Variants in DOCK9 observed in about 807,000 individuals in gnomAD.
DOCK9 encodes dedicator of cytokinesis protein 9.
Under a neutral mutation model 263.3 loss-of-function variants are expected in DOCK9, and 89 were observed. The ratio of observed to expected loss-of-function variants is 0.34; its 90% CI spans 0.28 to 0.40. The LOEUF (loss-of-function observed/expected upper bound fraction) is 0.40. DOCK9 is among the 10% of genes least tolerant of loss of function. The probability of loss-of-function intolerance (pLI) is 1.00; values close to 1 mark genes in which losing one functional copy is unlikely to be tolerated. For synonymous variants in DOCK9, 976 were observed against 973.1 expected (o/e 1.00, Z -0.06); for missense variants, 2,140 against 2,603.4 (o/e 0.82, Z 3.87).
intron 4 of DOCK9, among the ~76,000 whole-genome samples, chr13:98,925,058 G>A (rs1367522978): frequency 1.3e-5 from 2 of 152,086 alleles, no homozygotes; most frequent in Non-Finnish European, 2.9e-5. Flanking sequence ...CAGCAACTCG[G>A]GAGGCTGAGG....
intron 25 of DOCK9, 36 bp downstream of exon 25, chr13:98,881,522 C>G: frequency 1.3e-6 from 2 of 1,539,170 alleles, no homozygotes; most frequent in Non-Finnish European, 1.8e-6. Context: ...TGGAGAGCCA[C>G]AGATGTAAGT....
rs769579881 is a variant in DOCK9, at chr13:98,881,554, A to C, written c.2745+4T>G. The stretch of plus-strand genomic sequence containing the variant: ...AAGTGATCAGAACAGTGTGTTTTAC[A>C]TACCTTAACATATGACCTCAAGTGG... On this transcript the variant is annotated splice_donor_region_variant and intron_variant, in intron 25 of 52. Transcript: ENST00000682017. The C allele has an allele frequency of 5.6e-6, 9 of 1,598,756 alleles. No individual in the cohort carries two copies. Among genetic ancestry groups the C allele is most frequent in the Middle Eastern group, 3.3e-4 (2 of 6,068 alleles).
At chr13:98,952,003 T>TTC (rs2057487652) in intron 2 of DOCK9, among the ~76,000 whole-genome samples, 1 of 149,912 alleles carries the variant, frequency 6.7e-6, no homozygotes, top group African/African-American at 2.5e-5. Context: ...GTTCAAGCGA[T>TTC]TCTCTTGCCT....
intron 1 of DOCK9, among the ~76,000 whole-genome samples, chr13:99,008,204 CTCTCTCTCTATATATA>C (rs1376739459): frequency 1.1e-5 from 1 of 93,210 alleles, no homozygotes; most frequent in Non-Finnish European, 2.1e-5. Context: ...CTCTCTCTCT[CTCTCTCTCTATATATA>C]TATATATATA....
intron 1 of DOCK9, among the ~76,000 whole-genome samples, chr13:99,067,810 C>T (rs1314748673): frequency 3.9e-5 from 6 of 151,974 alleles, no homozygotes. Flanking sequence ...TGCTTCGGGG[C>T]CCATTGCCCA....
chr13:98,827,051 T>C (rs1157625952), intron 43 of DOCK9, among the ~76,000 whole-genome samples, 164 bp from the exon 44 acceptor site: 1 of 152,196 alleles, frequency 6.6e-6, no homozygotes, highest in Non-Finnish European at 1.5e-5. Context: ...GAGAGTGGAA[T>C]CACTCACATA....
chr13:98,913,657 G>T (rs1170920114), intron 9 of DOCK9, among the ~76,000 whole-genome samples: 1 of 152,124 alleles, frequency 6.6e-6, no homozygotes, highest in African/African-American at 2.4e-5. Context: ...GGGGTTGTGG[G>T]AGAAGAAGAG....
In DOCK9 at chr13:98,883,137, G is replaced by A. The variant is rs1322516437; in HGVS notation, c.2470-6C>T. ...AAATTATGTAAATGCTGATCCTGAGGTAGGGAAAAAGGAAAAGAAGAAGAA... is the reference window on the plus strand; with the variant it reads ...AAATTATGTAAATGCTGATCCTGAGATAGGGAAAAAGGAAAAGAAGAAGAA... On this transcript the variant is annotated splice_polypyrimidine_tract_variant and splice_region_variant and intron_variant, in intron 22 of 52. Coordinates refer to ENST00000682017, the MANE Select transcript of DOCK9 (RefSeq NM_001366683.2). 4 of 1,609,686 alleles carry A rather than the reference G, an allele frequency of 2.5e-6. No individual in the cohort carries two copies. Among genetic ancestry groups the A allele is most frequent in the Non-Finnish European group, 3.4e-6 (4 of 1,177,408 alleles).
intron 30 of DOCK9, chr13:98,867,125 GA>G: frequency 2.1e-6 from 1 of 475,490 alleles, no homozygotes; most frequent in South Asian, 1.6e-5. Context: ...AAGAAAAAAG[GA>G]AAAGTGAAAC....
chr13:98,810,362 A>C, intron 45 of DOCK9, 71 bp from the exon 46 acceptor site: 4 of 1,585,722 alleles, frequency 2.5e-6, no homozygotes, highest in Non-Finnish European at 3.4e-6. Context: ...CCGTTGCAGA[A>C]TGCTAAGTGC....
At chr13:99,042,927 C>T (rs1302765575) in intron 1 of DOCK9, among the ~76,000 whole-genome samples, 1 of 152,182 alleles carries the variant, frequency 6.6e-6, no homozygotes, top group African/African-American at 2.4e-5. Context: ...TGAAATCTTG[C>T]CTGAAAACTG....
rs368850041 is a variant in DOCK9, at chr13:98,963,707, A to G, written c.127-8156T>C. Among the ~76,000 whole-genome samples, 240 of 152,340 alleles carry G rather than the reference A, an allele frequency of 1.6e-3. 9 individuals carry two copies. The South Asian group carries it at 0.047, about 30-fold the overall frequency. The stretch of plus-strand genomic sequence containing the variant: ...TCCTTGATTTATCTGCATGGCTATA[A>G]AAGCTACTTGATAGGCTGAGATAAA... On this transcript the variant is annotated intron_variant, in intron 1 of 52. Transcript: ENST00000682017.
Position 98,902,435 on chromosome 13 carries a change from A to C in DOCK9, c.1233T>G (p.Ile411Met), listed in dbSNP as rs200221640. 5.6e-6 allele frequency: 9 copies of C among 1,614,042 alleles called. No individual in the cohort carries two copies. Among genetic ancestry groups the C allele is most frequent in the Non-Finnish European group, 7.6e-6 (9 of 1,179,894 alleles). The part of the protein sequence containing the change: ...SLFDIKYNRK[I>M]SADFHVDLNH... ...TCAGGTCTACGTGGAAATCGGCAGA[A>C]ATCTTCCGGTTGTATTTTATGTCAA... The change falls in exon 12 of 53, where the codon ATT becomes ATG. Residue 411 changes from isoleucine (I) to methionine (M), a missense_variant. Ile to Met is a conservative substitution (Grantham distance 10). This residue lies in a region of DOCK9 where 1,521 missense variants were observed against 1,741.7 expected (regional missense o/e 0.87). Transcript: ENST00000682017.
At chr13:99,070,320 C>G (rs1433032498) in intron 1 of DOCK9, among the ~76,000 whole-genome samples, 1 of 151,986 alleles carries the variant, frequency 6.6e-6, no homozygotes, top group African/African-American at 2.4e-5. Flanking sequence ...ATTACCTATT[C>G]ACTTAAACAG....
At chr13:99,014,165 C>G (rs1451356962) in intron 1 of DOCK9, among the ~76,000 whole-genome samples, 1 of 152,192 alleles carries the variant, frequency 6.6e-6, no homozygotes, top group Non-Finnish European at 1.5e-5. Flanking sequence ...ACAAGTCAGT[C>G]TGGTCTGAGG....
rs200490875 is a variant in DOCK9, at chr13:98,999,308, A to ACTCTCT, written c.130-43758_130-43757insAGAGAG. Reference sequence around the variant, plus strand: ...TGCACGCGCACACACACACACACACACACACACACTCTCTCTCTCTCTCTC... The same window carrying ACTCTCT: ...TGCACGCGCACACACACACACACACACTCTCTCACACACACTCTCTCTCTCTCTCTC... On this transcript the variant is annotated intron_variant, in intron 1 of 32. Coordinates refer to the DOCK9 transcript ENST00000427887. Among the ~76,000 whole-genome samples the ACTCTCT allele has an allele frequency of 9.2e-3, 847 of 92,082 alleles. 4 individuals are homozygous for ACTCTCT. Among genetic ancestry groups the ACTCTCT allele is most frequent in the East Asian group, 0.03 (56 of 1,846 alleles). The allele number at this position is 92,082 out of a possible 152,430, so 60.4% of individuals were successfully genotyped here.
intron 1 of DOCK9, among the ~76,000 whole-genome samples, chr13:99,056,100 C>T (rs1311392336): frequency 6.6e-6 from 1 of 152,204 alleles, no homozygotes; most frequent in Non-Finnish European, 1.5e-5. Flanking sequence ...TCCACAAGGT[C>T]TTTCCAGTTT....
intron 1 of DOCK9, among the ~76,000 whole-genome samples, chr13:99,067,870 CTTT>C (rs66506438): frequency 1.4e-5 from 2 of 142,406 alleles, no homozygotes; most frequent in Non-Finnish European, 3.1e-5. Flanking sequence ...AGGACAGAAG[CTTT>C]TTTTTTTTTT....
At chr13:99,075,254 G>A (rs2041862257) in intron 1 of DOCK9, among the ~76,000 whole-genome samples, 1 of 151,166 alleles carries the variant, frequency 6.6e-6, no homozygotes, top group African/African-American at 2.4e-5. Context: ...TCAAATTGTT[G>A]CACATCTCCA....
Sources: allele counts gnomAD v4.1 joint callset (sites outside exome capture counted in the v4.1 genomes callset), GRCh38; gene constraint gnomAD v4.1.1; regional missense constraint gnomAD v4.1.1; transcripts MANE v1.5; gene names NCBI Gene and HGNC (gene_info 2026-07-23, HGNC 2026-07-21).